The following SGCZ variants were observed in gnomAD, a reference collection of about 807,000 sequenced individuals.
SGCZ encodes zeta-sarcoglycan.
SGCZ carries 40 observed loss-of-function variants against 41.3 expected under a neutral mutation model. The ratio of observed to expected loss-of-function variants is 0.97; its 90% CI spans 0.75 to 1.26. The LOEUF (loss-of-function observed/expected upper bound fraction) is 1.26, where lower values mean the gene tolerates loss of function less well. Among genes scored for constraint, SGCZ ranks in the 50% most tolerant of loss-of-function variants. The pLI, the probability that SGCZ is intolerant of heterozygous loss-of-function variation, is 0.00. For missense variants in SGCZ, 552 were observed against 369.8 expected (o/e 1.49, Z -4.04); for synonymous variants, 206 against 137.5 (o/e 1.50, Z -3.49).
At chr8:14,885,821 T>C (rs1416470135) in intron 1 of SGCZ, among the ~76,000 whole-genome samples, 1 of 151,598 alleles carries the variant, frequency 6.6e-6, no homozygotes, top group Non-Finnish European at 1.5e-5. Flanking sequence ...TGTTATATTT[T>C]TCTGATTATA....
At chr8:14,201,303 C>T (rs1805447248) in intron 4 of SGCZ, among the ~76,000 whole-genome samples, 1 of 151,888 alleles carries the variant, frequency 6.6e-6, no homozygotes, top group South Asian at 2.1e-4. Flanking sequence ...CTAATGTTCA[C>T]AAAAAAAGCC....
intron 1 of SGCZ, among the ~76,000 whole-genome samples, chr8:14,662,347 T>G (rs1807780492): frequency 6.6e-6 from 1 of 152,214 alleles, no homozygotes; most frequent in Admixed American, 6.5e-5. Context: ...TACCTGAATT[T>G]GTTTCCTCAT....
At chr8:15,039,702 T>C (rs7007999) in intron 1 of SGCZ, among the ~76,000 whole-genome samples, 65,420 of 152,116 alleles carry the variant, frequency 0.43, 14,555 homozygotes, top group African/African-American at 0.55. Context: ...TCACTGACTA[T>C]GATATTTTTT....
At chr8:15,129,223 T>A (rs1316237059) in intron 1 of SGCZ, among the ~76,000 whole-genome samples, 1 of 152,160 alleles carries the variant, frequency 6.6e-6, no homozygotes, top group African/African-American at 2.4e-5. Flanking sequence ...GTAGTTTTTG[T>A]CTCGCACTAC....
intron 1 of SGCZ, among the ~76,000 whole-genome samples, chr8:15,194,767 C>T (rs1450789640): frequency 6.6e-6 from 1 of 152,126 alleles, no homozygotes; most frequent in Non-Finnish European, 1.5e-5. Context: ...GAAACATTCT[C>T]CATTCGAGAT....
intron 5 of SGCZ, among the ~76,000 whole-genome samples, chr8:14,120,517 T>C (rs533500917): frequency 1.3e-5 from 2 of 152,248 alleles, no homozygotes; most frequent in Admixed American, 1.3e-4. Flanking sequence ...GAATCACCAC[T>C]TTAATTCAAC....
chr8:14,348,496 TTCG>T (rs1177995223), intron 2 of SGCZ, among the ~76,000 whole-genome samples: 1 of 152,142 alleles, frequency 6.6e-6, no homozygotes, highest in Non-Finnish European at 1.5e-5. Flanking sequence ...TATATATTCG[TTCG>T]TCTCTAATCC....
intron 1 of SGCZ, among the ~76,000 whole-genome samples, chr8:14,879,595 GACAC>G (rs33933535): frequency 0.056 from 8,256 of 147,024 alleles, 786 homozygotes; most frequent in African/African-American, 0.19. Flanking sequence ...CAGACACACA[GACAC>G]ACACACACAC....
intron 1 of SGCZ, among the ~76,000 whole-genome samples, chr8:14,997,354 T>A (rs959303363): frequency 1.3e-5 from 2 of 152,212 alleles, no homozygotes; most frequent in Non-Finnish European, 2.9e-5. Context: ...TATTCTTTTA[T>A]AACAAAGCAT....
At chr8:15,170,313 T>C (rs1799789352) in intron 1 of SGCZ, among the ~76,000 whole-genome samples, 1 of 152,190 alleles carries the variant, frequency 6.6e-6, no homozygotes, top group South Asian at 2.1e-4. Flanking sequence ...ATTTATTCAG[T>C]TGGTCACTTA....
intron 1 of SGCZ, among the ~76,000 whole-genome samples, chr8:15,188,760 A>T (rs1800431048): frequency 6.6e-6 from 1 of 152,162 alleles, no homozygotes; most frequent in Admixed American, 6.5e-5. Flanking sequence ...TTGCATTATT[A>T]TTTGCTTCCT....
chr8:14,322,848 G>C (rs1801971832), intron 3 of SGCZ, among the ~76,000 whole-genome samples: 1 of 152,062 alleles, frequency 6.6e-6, no homozygotes. Flanking sequence ...TGTCAAAGAT[G>C]GTGACTATCA....
chr8:14,267,385 C>T (rs1236264261), intron 3 of SGCZ, among the ~76,000 whole-genome samples: 1 of 152,046 alleles, frequency 6.6e-6, no homozygotes, highest in African/African-American at 2.4e-5. Context: ...TTTATCTAAT[C>T]AGCCTACTAG....
At chr8:14,236,649 A>ATT (rs1806773863) in intron 4 of SGCZ, among the ~76,000 whole-genome samples, 1 of 151,392 alleles carries the variant, frequency 6.6e-6, no homozygotes, top group Non-Finnish European at 1.5e-5. Context: ...CCTCTTTCTC[A>ATT]TTCTCTCTCT....
intron 5 of SGCZ, among the ~76,000 whole-genome samples, chr8:14,156,316 C>T (rs975896135): frequency 2.0e-5 from 3 of 151,792 alleles, no homozygotes; most frequent in East Asian, 1.9e-4. Flanking sequence ...AAAAGTTAGC[C>T]GGGCGTGGTG....
intron 1 of SGCZ, among the ~76,000 whole-genome samples, chr8:15,153,394 C>T (rs886929215): frequency 5.1e-4 from 77 of 152,278 alleles, no homozygotes; most frequent in African/African-American, 1.6e-3. Flanking sequence ...CAACTAACTC[C>T]GTCACTTTAG....
intron 2 of SGCZ, among the ~76,000 whole-genome samples, chr8:14,351,373 C>T (rs1047239993): frequency 6.6e-6 from 1 of 151,968 alleles, no homozygotes; most frequent in Non-Finnish European, 1.5e-5. Context: ...GAAATTTCTT[C>T]TTGCAGTTTG....
chr8:14,417,177 T>C (rs576792741), intron 2 of SGCZ, among the ~76,000 whole-genome samples: 2 of 151,932 alleles, frequency 1.3e-5, no homozygotes, highest in South Asian at 4.1e-4. Flanking sequence ...GCTGGGAAAG[T>C]AATTGTAACA....
Position 15,022,447 on chromosome 8 carries a change from G to A in SGCZ, c.39+215138C>T, listed in dbSNP as rs192201727. On this transcript the variant is annotated intron_variant, in intron 1 of 7. Coordinates refer to ENST00000382080, the MANE Select transcript of SGCZ (RefSeq NM_139167.4). ...GAACCTCCGCCTCCTGGGTTCAAGC[G>A]ATTCTCCTACTTCAGCCTCCAGAGT... is the stretch of plus-strand genomic sequence containing the variant. Among the ~76,000 whole-genome samples the A allele has an allele frequency of 3.0e-3, 449 of 152,138 alleles. 1 individual carries two copies. The highest frequency in any genetic ancestry group is 9.8e-3 in the African/African-American group (405 of 41,518).
Sources: allele counts gnomAD v4.1 joint callset (sites outside exome capture counted in the v4.1 genomes callset), GRCh38; gene constraint gnomAD v4.1.1; transcripts MANE v1.5; gene names NCBI Gene and HGNC (gene_info 2026-07-23, HGNC 2026-07-21).